MANSC1: variants seen among roughly 807,000 people sequenced by gnomAD.
MANSC1 encodes MANSC domain containing 1, also known as MANSC domain-containing protein 1.
In MANSC1, 13 loss-of-function variants were observed where a neutral mutation model predicts 14.1. The observed-to-expected ratio is 0.92, with a 90% CI of 0.60 to 1.46. The LOEUF is 1.46. MANSC1 is among the 40% of genes most tolerant of loss of function. The pLI is 0.00. For synonymous variants in MANSC1, 227 were observed against 200.7 expected (o/e 1.13, Z -1.11); for missense variants, 486 against 511.4 (o/e 0.95, Z 0.48).
At chr12:12,342,834 A>G (rs537401738) in intron 2 of MANSC1, among the ~76,000 whole-genome samples, 9 of 152,196 alleles carry the variant, frequency 5.9e-5, no homozygotes, top group African/African-American at 2.2e-4. Flanking sequence ...TATTCTAGAT[A>G]CCAGTTGGGA....
rs1862886429 is a variant in MANSC1 at position 12,338,429 on chromosome 12, T to C, written c.355A>G (p.Ile119Val). 3 of 1,598,530 alleles carry C rather than the reference T, an allele frequency of 1.9e-6. No homozygotes were observed. Among genetic ancestry groups the C allele is most frequent in the Admixed American group, 1.9e-5 (1 of 54,000 alleles). ...KPAKGLMSYR[I>V]ITDFPSLTRN... The stretch of plus-strand genomic sequence containing the variant: ...ATAATGCTTTCATTACCTGTAATTA[T>C]CCTGTAACTCATAAGTCCTTTTGCT... Residue 119 changes from isoleucine to valine, a missense_variant, in exon 3 of 4, where the codon ATA (isoleucine) becomes GTA (valine). Physicochemically the swap from Ile to Val is conservative, Grantham distance 29. Coordinates refer to ENST00000535902, the MANE Select transcript of MANSC1 (RefSeq NM_018050.4).
Position 12,330,525 on chromosome 12 carries a change from G to A in MANSC1, c.798C>T (p.Thr266=). ...TGACAGTGGTTACAGGTGGAGCTGT[G>A]GTGGCCAGCTGTGGCTGGGAAGTCC... ...PSGTSQPQLA[T]TAPPVTTVTS... Residue 266 remains threonine, a synonymous_variant, in exon 4 of 4, where the codon ACC becomes ACT. Coordinates refer to ENST00000535902, the MANE Select transcript of MANSC1 (RefSeq NM_018050.4). 1.2e-6 allele frequency: 2 copies of A among 1,614,210 alleles called. No homozygotes were observed. Among genetic ancestry groups the A allele is most frequent in the Non-Finnish European group, 1.7e-6 (2 of 1,180,042 alleles).
chr12:12,345,928 A>G (rs1225170119), intron 1 of MANSC1, among the ~76,000 whole-genome samples: 1 of 152,274 alleles, frequency 6.6e-6, no homozygotes, highest in Non-Finnish European at 1.5e-5. Context: ...GAGCTAATAA[A>G]TAGAGAGATA....
intron 3 of MANSC1, among the ~76,000 whole-genome samples, chr12:12,338,043 T>G (rs1862881441): frequency 6.6e-6 from 1 of 152,222 alleles, no homozygotes; most frequent in African/African-American, 2.4e-5. Context: ...TAATGGGAAC[T>G]TAATAACAAA....
In MANSC1 at chr12:12,328,969, C is replaced by G. The variant is rs181137440; in HGVS notation, c.*1058G>C. 7.0e-6 allele frequency: 1 copy of G among 142,828 alleles called. No homozygotes were observed. Among genetic ancestry groups the G allele is most frequent in the East Asian group, 2.3e-4 (1 of 4,444 alleles). 8.8% of individuals were successfully genotyped at this position (142,828 alleles called of 1,614,324 possible). A position where few individuals can be genotyped will look rare whatever the true frequency, so the allele number is the denominator to read the frequency against. The stretch of plus-strand genomic sequence containing the variant: ...CGCCACTGCACTCTAGCCTGGGTGA[C>G]AGAGCAAGACTCTGTCACACACACA... On this transcript the variant is annotated 3_prime_UTR_variant, in exon 4 of 4. Coordinates refer to ENST00000535902, the MANE Select transcript of MANSC1 (RefSeq NM_018050.4).
chr12:12,330,611 T>C lies in MANSC1; in HGVS notation c.712A>G (p.Thr238Ala). ...ATVAVASPHTTSATPKPATLL... is the reference protein window; with the variant it reads ...ATVAVASPHTASATPKPATLL... ...GTGGCGGGCTTTGGAGTAGCCGAGG[T>C]GGTATGTGGAGAAGCAACTGCCACC... The change falls in exon 4 of 4, where the codon ACC becomes GCC. Residue 238 changes from threonine to alanine, a missense_variant. Coordinates refer to ENST00000535902, the MANE Select transcript of MANSC1 (RefSeq NM_018050.4). 1 of 1,613,896 alleles carries C rather than the reference T, an allele frequency of 6.2e-7. No individual in the cohort carries two copies. The highest frequency in any genetic ancestry group is 1.1e-5 in the South Asian group (1 of 91,076).
intron 1 of MANSC1, among the ~76,000 whole-genome samples, chr12:12,345,564 C>G (rs1338324607): frequency 2.0e-5 from 3 of 152,134 alleles, no homozygotes; most frequent in Non-Finnish European, 4.4e-5. Flanking sequence ...AATGCCAACT[C>G]TATTGAGATG....
At chr12:12,348,443 A>C (rs1323454586) in intron 1 of MANSC1, among the ~76,000 whole-genome samples, 1 of 152,240 alleles carries the variant, frequency 6.6e-6, no homozygotes, top group Non-Finnish European at 1.5e-5. Flanking sequence ...TAAGTCAAAG[A>C]AGCCAGTCTG....
rs572400579 is a variant in MANSC1 at position 12,329,754 on chromosome 12, C to T, written c.*273G>A. ...CAAAAATCACCCAGGTGTGGTGGCACATGCCTGTAATCCCAGATACTTAGG... is the reference window on the plus strand; with the variant it reads ...CAAAAATCACCCAGGTGTGGTGGCATATGCCTGTAATCCCAGATACTTAGG... On this transcript the variant is annotated 3_prime_UTR_variant, in exon 4 of 4. Coordinates refer to ENST00000535902, the MANE Select transcript of MANSC1 (RefSeq NM_018050.4). 49 of 340,092 alleles carry T rather than the reference C, an allele frequency of 1.4e-4. No individual in the cohort carries two copies. Among genetic ancestry groups the T allele is most frequent in the Non-Finnish European group, 2.2e-4 (41 of 186,426 alleles). The allele number at this position is 340,092 out of a possible 1,614,324, so 21.1% of individuals were successfully genotyped here.
At position 12,330,557 on chromosome 12, in the gene MANSC1, G is replaced by A. The variant is rs780476498; in HGVS notation, c.766C>T (p.Pro256Ser). The change falls in exon 4 of 4, where the codon CCT (proline) becomes TCT (serine). Residue 256 changes from proline (P) to serine (S), a missense_variant. By Grantham distance (74) the Pro-to-Ser change is moderately conservative (BLOSUM62 -1). Coordinates refer to ENST00000535902, the MANE Select transcript of MANSC1 (RefSeq NM_018050.4). ...AGCTGTGGCTGGGAAGTCCCAGAAG[G>A]TGTCACTGAAGCATTGGTGGGTAGA... ...TLLPTNASVT[P>S]SGTSQPQLAT... 1 of 1,614,204 alleles carries A rather than the reference G, an allele frequency of 6.2e-7. No homozygotes were observed. Among genetic ancestry groups the A allele is most frequent in the Non-Finnish European group, 8.5e-7 (1 of 1,180,042 alleles).
chr12:12,330,821 A>G lies in MANSC1; in HGVS notation c.502T>C (p.Trp168Arg), dbSNP rs200832213. 1.5e-5 allele frequency: 24 copies of G among 1,614,156 alleles called. No individual in the cohort carries two copies. The highest frequency in any genetic ancestry group is 1.2e-4 in the South Asian group (11 of 91,074). Residue 168 changes from tryptophan to arginine, a missense_variant, in exon 4 of 4, where the codon TGG becomes CGG. By Grantham distance (101) the Trp-to-Arg change is moderately radical. Transcript: ENST00000535902. The stretch of plus-strand genomic sequence containing the variant: ...AACTTCTGAGAAAGTGTGTCTCTCC[A>G]TGAGATATCGGTGGGCTTTGAATAA... ...TDYSKPTDIS[W>R]RDTLSQKFGS...
chr12:12,327,165 T>C lies in MANSC1; in HGVS notation c.*2862A>G, dbSNP rs567912096. The C allele has an allele frequency of 6.6e-6, 1 of 152,312 alleles. No individual in the cohort carries two copies. The highest frequency in any genetic ancestry group is 2.1e-4 in the South Asian group (1 of 4,816). 9.4% of individuals were successfully genotyped at this position (152,312 alleles called of 1,614,324 possible). ...GTGTTGGTAAAATACGGAGAGAGGA[T>C]GTTTGAGCAGAAGGACCTACCTCAT... On this transcript the variant is annotated 3_prime_UTR_variant, in exon 4 of 4. Coordinates refer to ENST00000535902, the MANE Select transcript of MANSC1 (RefSeq NM_018050.4).
intron 3 of MANSC1, among the ~76,000 whole-genome samples, chr12:12,337,291 C>T (rs1446431917): frequency 3.4e-5 from 5 of 146,322 alleles, no homozygotes; most frequent in African/African-American, 1.3e-4. Flanking sequence ...AACAACAACA[C>T]TCATGCCTGT....
intron 3 of MANSC1, among the ~76,000 whole-genome samples, chr12:12,335,899 C>T (rs1862853141): frequency 6.6e-6 from 1 of 151,868 alleles, no homozygotes; most frequent in Non-Finnish European, 1.5e-5. Context: ...CTAAAAACTC[C>T]CGGCCGGGCA....
At chr12:12,337,430 G>A (rs751645857) in intron 3 of MANSC1, among the ~76,000 whole-genome samples, 3 of 151,842 alleles carry the variant, frequency 2.0e-5, no homozygotes, top group South Asian at 2.1e-4. Flanking sequence ...GCGTGGTGGC[G>A]GGCACCTGTA....
At position 12,346,979 on chromosome 12, in the gene MANSC1, T is replaced by G. The variant is rs558392265; in HGVS notation, c.-101+3099A>C. On this transcript the variant is annotated intron_variant, in intron 1 of 3. Transcript: ENST00000535902. ...ATATTTGAGGTGGTTTTTTTTTTTT[T>G]GGAGGAAATATTTGTGAAACACACA... Among the ~76,000 whole-genome samples the G allele has an allele frequency of 1.5e-4, 23 of 151,998 alleles. No homozygotes were observed. The East Asian group carries it at 4.4e-3, about 29-fold the overall frequency.
chr12:12,335,852 A>T (rs1338454733), intron 3 of MANSC1, among the ~76,000 whole-genome samples: 1 of 149,394 alleles, frequency 6.7e-6, no homozygotes, highest in South Asian at 2.1e-4. Flanking sequence ...CAAAAAAAAA[A>T]TAAAAATAAA....
chr12:12,337,541 A>T (rs1862875183), intron 3 of MANSC1, among the ~76,000 whole-genome samples: 1 of 152,212 alleles, frequency 6.6e-6, no homozygotes, highest in Admixed American at 6.5e-5. Context: ...ATCCTGGGCA[A>T]CAGAGTGAGA....
rs536137705 is a variant in MANSC1 at position 12,330,326 on chromosome 12, C to T, written c.997G>A (p.Gly333Arg). 6.2e-7 allele frequency: 1 copy of T among 1,614,120 alleles called. No individual in the cohort carries two copies. The highest frequency in any genetic ancestry group is 1.3e-5 in the African/African-American group (1 of 75,028). The change falls in exon 4 of 4, where the codon GGG becomes AGG. Residue 333 changes from glycine (G) to arginine (R), a missense_variant. Physicochemically the swap from Gly to Arg is moderately radical, Grantham distance 125. Transcript: ENST00000535902. ...TEISNLTLNTGNVYNPTALSM... is the reference protein window; with the variant it reads ...TEISNLTLNTRNVYNPTALSM... ...AGTGCAGTAGGGTTATACACATTCC[C>T]TGTGTTCAAAGTTAGGTTGGAGATT...
Sources: gnomAD v4.1 joint callset for allele counts (sites outside exome capture counted in the v4.1 genomes callset) on GRCh38, gnomAD v4.1.1 for gene constraint, MANE v1.5 for transcripts, NCBI Gene and HGNC (gene_info 2026-07-23, HGNC 2026-07-21) for gene names.